The following PRORP variants were observed in gnomAD, a reference collection of about 807,000 sequenced individuals.
The protein encoded by PRORP is protein only RNase P catalytic subunit.
In PRORP, 51 loss-of-function variants were observed where a neutral mutation model predicts 59.4. The ratio of observed to expected loss-of-function variants is 0.86; its 90% CI spans 0.69 to 1.08. The LOEUF (loss-of-function observed/expected upper bound fraction) is 1.08, where lower values mean the gene tolerates loss of function less well. Ranked by LOEUF, PRORP falls within the 50% of genes least tolerant of loss-of-function variation. The pLI is 0.00. For synonymous variants in PRORP, 231 were observed against 245.6 expected (o/e 0.94, Z 0.55); for missense variants, 646 against 690.3 (o/e 0.94, Z 0.72).
intron 5 of PRORP, among the ~76,000 whole-genome samples, chr14:35,256,698 A>G (rs2050770158): frequency 6.6e-6 from 1 of 152,050 alleles, no homozygotes; most frequent in Non-Finnish European, 1.5e-5. Context: ...GTGAAATGAT[A>G]TGTCTGGGAT....
chr14:35,264,824 A>G (rs939546808), intron 5 of PRORP, among the ~76,000 whole-genome samples: 1 of 152,064 alleles, frequency 6.6e-6, no homozygotes, highest in South Asian at 2.1e-4. Flanking sequence ...CTAAAAATAC[A>G]AAAATTAGCC....
At chr14:35,215,001 A>G (rs2049549714) in intron 5 of PRORP, among the ~76,000 whole-genome samples, 1 of 152,122 alleles carries the variant, frequency 6.6e-6, no homozygotes, top group African/African-American at 2.4e-5. Flanking sequence ...TAACCTTAAA[A>G]TATTTATTGA....
chr14:35,236,049 T>C (rs2050202143), intron 5 of PRORP, among the ~76,000 whole-genome samples: 1 of 147,344 alleles, frequency 6.8e-6, no homozygotes, highest in African/African-American at 2.6e-5. Flanking sequence ...TGAGCCGAGA[T>C]TGTGCCACTG....
At chr14:35,222,594 A>T (rs1265772768) in intron 5 of PRORP, 1 of 152,242 alleles carries the variant, frequency 6.6e-6, no homozygotes, top group African/African-American at 2.4e-5. Context: ...TCTGTTAGTC[A>T]TAGAATAGCC....
chr14:35,178,590 G>T (rs1220476573), intron 4 of PRORP, among the ~76,000 whole-genome samples: 2 of 152,064 alleles, frequency 1.3e-5, no homozygotes, highest in Middle Eastern at 3.4e-3. Context: ...TTTTCCATTT[G>T]CTTGGTAGAT....
chr14:35,141,070 A>G (rs1004466329), intron 4 of PRORP, among the ~76,000 whole-genome samples: 6 of 145,810 alleles, frequency 4.1e-5, no homozygotes, highest in African/African-American at 1.5e-4. Flanking sequence ...GTATATGTGA[A>G]TTTTAAGTGA....
chr14:35,129,506 GCT>G (rs2047182046), intron 4 of PRORP, among the ~76,000 whole-genome samples: 3 of 143,566 alleles, frequency 2.1e-5, no homozygotes, highest in Non-Finnish European at 4.5e-5. Context: ...ATGGAGTATT[GCT>G]CTGTCGCCCA....
At chr14:35,223,401 G>T (rs1053500260) in intron 5 of PRORP, among the ~76,000 whole-genome samples, 4 of 151,344 alleles carry the variant, frequency 2.6e-5, no homozygotes, top group Non-Finnish European at 5.9e-5. Context: ...GTCGTGAGCC[G>T]TAGTGACACT....
chr14:35,123,163 G>C lies in PRORP; in HGVS notation c.-83G>C. The C allele has an allele frequency of 7.2e-7, 1 of 1,397,728 alleles. No individual in the cohort carries two copies. Among genetic ancestry groups the C allele is most frequent in the Non-Finnish European group, 9.7e-7 (1 of 1,032,858 alleles). 86.6% of individuals were successfully genotyped at this position (1,397,728 alleles called of 1,614,324 possible). A position where few individuals can be genotyped will look rare whatever the true frequency, so the allele number is the denominator to read the frequency against. The stretch of plus-strand genomic sequence containing the variant: ...AGTTCCACTTCGACTCTGCACCGCC[G>C]ACCCCCAATCTCTTTAATTTTGCCA... On this transcript the variant is annotated 5_prime_UTR_variant, in exon 2 of 8. Coordinates refer to ENST00000534898, the MANE Select transcript of PRORP (RefSeq NM_014672.4).
In PRORP at chr14:35,239,847, G is replaced by A. The variant is rs564189603; in HGVS notation, c.1276-26880G>A. Among the ~76,000 whole-genome samples, 13 of 152,280 alleles carry A rather than the reference G, an allele frequency of 8.5e-5. No individual in the cohort carries two copies. In the South Asian group the frequency reaches 2.3e-3, roughly 27 times the overall value. ...CCCAGCACTTTGGGAGGCAGAGGCGGGCAGATCACCTGCGGTCAAGAGTTT... is the reference window on the plus strand; with the variant it reads ...CCCAGCACTTTGGGAGGCAGAGGCGAGCAGATCACCTGCGGTCAAGAGTTT... On this transcript the variant is annotated intron_variant, in intron 5 of 7. Coordinates refer to ENST00000534898, the MANE Select transcript of PRORP (RefSeq NM_014672.4).
chr14:35,128,640 G>A (rs1018770253), intron 4 of PRORP, among the ~76,000 whole-genome samples: 4 of 152,040 alleles, frequency 2.6e-5, no homozygotes, highest in African/African-American at 9.7e-5. Context: ...GCTCATAGTA[G>A]CCACTAATGA....
Position 35,180,737 on chromosome 14 carries a change from A to T in PRORP, c.1235A>T (p.Asn412Ile). 1.2e-6 allele frequency: 2 copies of T among 1,613,086 alleles called. No individual in the cohort carries two copies. Among genetic ancestry groups the T allele is most frequent in the Non-Finnish European group, 1.7e-6 (2 of 1,179,402 alleles). ...TTTGATGTTGTCATTGATGGTCTCA[A>T]TGTTGCCAAAATGTTTCCTAAAGTT... ...PPFDVVIDGL[N>I]VAKMFPKVRE... The change falls in exon 5 of 8, where the codon AAT (asparagine) becomes ATT (isoleucine). Residue 412 changes from asparagine (N) to isoleucine (I), a missense_variant. Transcript: ENST00000534898.
chr14:35,148,056 C>T lies in PRORP; in HGVS notation c.1167+20445C>T, dbSNP rs542582412. ...CTTCCACTGAAATTTTGAATCCCTC[C>T]GAGTCATCCATGAGGGTTGGTGTCA... On this transcript the variant is annotated intron_variant, in intron 4 of 7. Coordinates refer to ENST00000534898, the MANE Select transcript of PRORP (RefSeq NM_014672.4). Among the ~76,000 whole-genome samples the T allele has an allele frequency of 3.3e-5, 5 of 152,286 alleles. No homozygotes were observed. The South Asian group carries it at 1.0e-3, about 32-fold the overall frequency.
intron 4 of PRORP, among the ~76,000 whole-genome samples, chr14:35,163,374 T>C (rs2048109275): frequency 6.6e-6 from 1 of 152,180 alleles, no homozygotes; most frequent in African/African-American, 2.4e-5. Context: ...GCAACTGTAT[T>C]AAATTGATCT....
At chr14:35,158,381 T>C (rs2047972626) in intron 4 of PRORP, 2 of 307,016 alleles carry the variant, frequency 6.5e-6, no homozygotes, top group Non-Finnish European at 1.3e-5. Context: ...ACCCCAAGGA[T>C]ACTGCCTTCC....
At chr14:35,235,264 C>T in intron 5 of PRORP, 1 of 699,040 alleles carries the variant, frequency 1.4e-6, no homozygotes, top group Admixed American at 1.8e-5. Flanking sequence ...CATTGCCTCC[C>T]TAGTGATGGC....
At chr14:35,201,708 T>C (rs1566494054) in intron 5 of PRORP, among the ~76,000 whole-genome samples, 1 of 151,884 alleles carries the variant, frequency 6.6e-6, no homozygotes, top group African/African-American at 2.4e-5. Flanking sequence ...AGTGGTGCGA[T>C]CTTGCAGTGG....
At chr14:35,176,190 G>A (rs906205535) in intron 4 of PRORP, among the ~76,000 whole-genome samples, 1 of 152,128 alleles carries the variant, frequency 6.6e-6, no homozygotes. Flanking sequence ...CTCCAGCTTT[G>A]TTCTTTTGGC....
intron 5 of PRORP, among the ~76,000 whole-genome samples, chr14:35,254,005 A>C (rs1262077822): frequency 1.3e-5 from 2 of 150,590 alleles, no homozygotes; most frequent in Non-Finnish European, 3.0e-5. Flanking sequence ...TGCAGCCCAG[A>C]TCCCTCTCCT....
Sources: allele counts gnomAD v4.1 joint callset (sites outside exome capture counted in the v4.1 genomes callset), GRCh38; gene constraint gnomAD v4.1.1; transcripts MANE v1.5; gene names NCBI Gene and HGNC (gene_info 2026-07-23, HGNC 2026-07-21).